SLC6A7: variants seen among roughly 807,000 people sequenced by gnomAD.
The protein encoded by SLC6A7 is solute carrier family 6 member 7.
In SLC6A7, 58 loss-of-function variants were observed where a neutral mutation model predicts 73.1. The ratio of observed to expected loss-of-function variants is 0.79; its 90% CI spans 0.64 to 0.99. The LOEUF (loss-of-function observed/expected upper bound fraction) is 0.99, where lower values mean the gene tolerates loss of function less well. Ranked by LOEUF, SLC6A7 falls within the 50% of genes least tolerant of loss-of-function variation. The probability of loss-of-function intolerance (pLI) is 0.00; values close to 1 mark genes in which losing one functional copy is unlikely to be tolerated. For synonymous variants in SLC6A7, 338 were observed against 338.7 expected, an observed-to-expected ratio of 1.00 and a Z score of 0.02; for missense variants, 783 against 831.4, an observed-to-expected ratio of 0.94 and a Z score of 0.72.
At chr5:150,207,370 C>T (rs1428716828) in intron 13 of SLC6A7, among the ~76,000 whole-genome samples, 2 of 152,170 alleles carry the variant, frequency 1.3e-5, no homozygotes, top group East Asian at 3.9e-4. Context: ...ATTCTCCTGC[C>T]TCAGCCTCCC....
chr5:150,198,118 AAAG>A (rs368272028), intron 4 of SLC6A7, among the ~76,000 whole-genome samples: 13,061 of 73,284 alleles, frequency 0.18, 963 homozygotes, highest in Middle Eastern at 0.28. Context: ...AAAGAAAGAG[AAAG>A]AAAGAAAGAA....
At chr5:150,195,615 G>A (rs1034745009) in intron 2 of SLC6A7, among the ~76,000 whole-genome samples, 20 of 152,298 alleles carry the variant, frequency 1.3e-4, no homozygotes, top group Admixed American at 1.2e-3. Flanking sequence ...GTCACAGGGT[G>A]GCAGACCCAA....
rs1193828967 is a variant in SLC6A7, at chr5:150,209,694, C to A, written c.*79C>A. On this transcript the variant is annotated 3_prime_UTR_variant, in exon 14 of 14. Transcript: ENST00000230671. ...AGAAGCCTGCAAAGGTCAGCTGTGC[C>A]CTCTGGGATTCTGAGAGGCTATGGG... 8.3e-7 allele frequency: 1 copy of A among 1,198,358 alleles called. No individual in the cohort carries two copies. Among genetic ancestry groups the A allele is most frequent in the Non-Finnish European group, 1.2e-6 (1 of 833,528 alleles). The allele number at this position is 1,198,358 out of a possible 1,614,324, so 74.2% of individuals were successfully genotyped here. A position where few individuals can be genotyped will look rare whatever the true frequency, so the allele number is the denominator to read the frequency against.
Position 150,205,595 on chromosome 5 carries a change from T to G in SLC6A7, c.1673T>G (p.Val558Gly). ...ATCCCAGCTGGCATGCTGGTGGCTG[T>G]GCTTCGAGAAGAGGGCTCACTCTGG... ...LMIPAGMLVA[V>G]LREEGSLWER... is the part of the protein sequence containing the mutation. The change falls in exon 13 of 14, where the codon GTG (valine) becomes GGG (glycine). Residue 558 changes from valine to glycine, a missense_variant. By Grantham distance (109) the Val-to-Gly change is moderately radical (BLOSUM62 -3). Transcript: ENST00000230671. The G allele has an allele frequency of 6.2e-7, 1 of 1,612,734 alleles. No individual in the cohort carries two copies. The highest frequency in any genetic ancestry group is 1.3e-5 in the African/African-American group (1 of 75,022).
In SLC6A7 at chr5:150,196,759, C is replaced by T; in HGVS notation, c.261C>T (p.Gly87=). The change falls in exon 3 of 14, where the codon GGC becomes GGT. Residue 87 remains glycine, a synonymous_variant. Coordinates refer to ENST00000230671, the MANE Select transcript of SLC6A7 (RefSeq NM_014228.5). ...ACTTCCTCATGCTGGCCATCTGTGG[C>T]ATCCCCCTCTTCTTCCTGGAGCTCT... ...VPYFLMLAIC[G]IPLFFLELSL... 1.2e-6 allele frequency: 2 copies of T among 1,614,120 alleles called. No individual in the cohort carries two copies. Among genetic ancestry groups the T allele is most frequent in the Admixed American group, 3.3e-5 (2 of 60,018 alleles).
chr5:150,198,107 GA>G (rs753064911), intron 4 of SLC6A7, among the ~76,000 whole-genome samples: 22 of 101,468 alleles, frequency 2.2e-4, no homozygotes, highest in African/African-American at 8.4e-4. Flanking sequence ...AAGAAAGAAA[GA>G]AAGAAAGAGA....
In SLC6A7 at chr5:150,210,895, G is replaced by A. The variant is rs1302818812; in HGVS notation, c.*1280G>A. 6.6e-6 allele frequency: 1 copy of A among 152,400 alleles called. No individual in the cohort carries two copies. The highest frequency in any genetic ancestry group is 1.5e-5 in the Non-Finnish European group (1 of 68,090). The allele number at this position is 152,400 out of a possible 1,614,324, so 9.4% of individuals were successfully genotyped here. ...GTGGGTCCCTCAAAGAGGAGAGTGG[G>A]GTGCAGAAATGCCTCAGCATGGCTC... On this transcript the variant is annotated 3_prime_UTR_variant, in exon 14 of 14. Transcript: ENST00000230671.
In SLC6A7 at chr5:150,197,038, C is replaced by A. The variant is rs751430879; in HGVS notation, c.350-4C>A. 3.7e-6 allele frequency: 6 copies of A among 1,612,854 alleles called. No homozygotes were observed. Among genetic ancestry groups the A allele is most frequent in the Admixed American group, 1.7e-5 (1 of 60,014 alleles). On this transcript the variant is annotated splice_polypyrimidine_tract_variant and splice_region_variant and intron_variant, in intron 3 of 13. Coordinates refer to ENST00000230671, the MANE Select transcript of SLC6A7 (RefSeq NM_014228.5). ...GGCAGCCCAGCAGCCTCTCCCCACA[C>A]CAGGCGCCGGCGCAGCCATGCTGCT...
chr5:150,200,050 A>G (rs1173961505), intron 5 of SLC6A7, among the ~76,000 whole-genome samples: 1 of 152,160 alleles, frequency 6.6e-6, no homozygotes, highest in South Asian at 2.1e-4. Flanking sequence ...TGGGTCATGT[A>G]ACCACCCCTG....
intron 12 of SLC6A7, 26 bp from the exon 13 acceptor site, chr5:150,205,430 T>C (rs746734238): frequency 6.4e-7 from 1 of 1,567,114 alleles, no homozygotes; most frequent in Non-Finnish European, 8.7e-7. Flanking sequence ...AAGCCCGCAG[T>C]GATGCTGGGA....
In SLC6A7 at chr5:150,209,630, G is replaced by A. The variant is rs760265192; in HGVS notation, c.*15G>A. 69 of 1,571,136 alleles carry A rather than the reference G, an allele frequency of 4.4e-5. No individual in the cohort carries two copies. Among genetic ancestry groups the A allele is most frequent in the Admixed American group, 9.3e-5 (5 of 53,706 alleles). On this transcript the variant is annotated 3_prime_UTR_variant, in exon 14 of 14. Coordinates refer to ENST00000230671, the MANE Select transcript of SLC6A7 (RefSeq NM_014228.5). Reference sequence around the variant, plus strand: ...CGATGATGTGAGGCAGGAGGCAGGCGGGCAGAAGGCCCTGCCCGGGACCTC... The same window carrying A: ...CGATGATGTGAGGCAGGAGGCAGGCAGGCAGAAGGCCCTGCCCGGGACCTC...
chr5:150,190,595 G>T (rs1427133061), intron 1 of SLC6A7, among the ~76,000 whole-genome samples: 1 of 152,190 alleles, frequency 6.6e-6, no homozygotes, highest in East Asian at 1.9e-4. Context: ...GGTTCACTGG[G>T]CCAGGCCTAT....
chr5:150,192,097 T>A (rs978367856), intron 1 of SLC6A7, among the ~76,000 whole-genome samples: 1 of 151,624 alleles, frequency 6.6e-6, no homozygotes, highest in Non-Finnish European at 1.5e-5. Context: ...TCAAGCAGAA[T>A]TGGGCGGGAA....
chr5:150,198,099 GAAAGAAAGAAAGAA>G, intron 4 of SLC6A7, among the ~76,000 whole-genome samples: 1 of 109,510 alleles, frequency 9.1e-6, no homozygotes, highest in Admixed American at 8.3e-5. Context: ...AAGAAAGAAA[GAAAGAAAGAAAGAA>G]AGAGAAAGAA....
chr5:150,201,769 C>T (rs1300346508), intron 6 of SLC6A7, among the ~76,000 whole-genome samples: 2 of 152,176 alleles, frequency 1.3e-5, no homozygotes, highest in South Asian at 2.1e-4. Flanking sequence ...AACAATGGTA[C>T]TGACAGCTAA....
At position 150,209,802 on chromosome 5, in the gene SLC6A7, TACAC is replaced by T. The variant is rs140293447; in HGVS notation, c.*197_*200del. The stretch of plus-strand genomic sequence containing the variant: ...TCTCCTGAAACCTCTGACAACCCCC[TACAC>T]ACACACACAGGCATACTCAGACCCA... On this transcript the variant is annotated 3_prime_UTR_variant, in exon 14 of 14. Coordinates refer to ENST00000230671, the MANE Select transcript of SLC6A7 (RefSeq NM_014228.5). The T allele has an allele frequency of 3.3e-6, 2 of 606,716 alleles. No individual in the cohort carries two copies. The highest frequency in any genetic ancestry group is 6.0e-6 in the Non-Finnish European group (2 of 335,892). 37.6% of individuals were successfully genotyped at this position (606,716 alleles called of 1,614,324 possible). A position where few individuals can be genotyped will look rare whatever the true frequency, so the allele number is the denominator to read the frequency against.
intron 2 of SLC6A7, 134 bp from the exon 3 acceptor site, chr5:150,196,582 A>C: frequency 1.2e-6 from 1 of 855,478 alleles, no homozygotes; most frequent in Non-Finnish European, 1.8e-6. Flanking sequence ...GCAGTCTGGT[A>C]TAGAAGAAAA....
intron 5 of SLC6A7, among the ~76,000 whole-genome samples, chr5:150,200,294 G>A (rs2286639): frequency 0.8 from 122,080 of 151,672 alleles, 49,512 homozygotes; most frequent in African/African-American, 0.89. Context: ...GGAATTCAAG[G>A]CCAGCCTGGC....
At chr5:150,198,115 G>GAAAGAGAA (rs1224170798) in intron 4 of SLC6A7, among the ~76,000 whole-genome samples, 31 of 77,600 alleles carry the variant, frequency 4.0e-4, no homozygotes, top group Admixed American at 9.9e-4. Context: ...AAGAAAGAAA[G>GAAAGAGAA]AGAAAGAAAG....
Sources: gnomAD v4.1 joint callset for allele counts (sites outside exome capture counted in the v4.1 genomes callset) on GRCh38, gnomAD v4.1.1 for gene constraint, MANE v1.5 for transcripts, NCBI Gene and HGNC (gene_info 2026-07-23, HGNC 2026-07-21) for gene names.